Variants in VIPR1 observed in about 807,000 individuals in gnomAD.
VIPR1 encodes the protein vasoactive intestinal peptide receptor 1.
A neutral mutation model predicts 58.8 loss-of-function variants in VIPR1; 59 were observed. The ratio of observed to expected loss-of-function variants is 1.00; its 90% CI spans 0.81 to 1.25. The LOEUF (loss-of-function observed/expected upper bound fraction) is 1.25, where lower values mean the gene tolerates loss of function less well. Ranked by LOEUF, VIPR1 falls within the 50% of genes most tolerant of loss-of-function variation. The probability of loss-of-function intolerance (pLI) is 0.00; values close to 1 mark genes in which losing one functional copy is unlikely to be tolerated. For missense variants in VIPR1, 626 were observed against 602.7 expected (o/e 1.04, Z -0.40); for synonymous variants, 251 against 242.1 (o/e 1.04, Z -0.34).
chr3:42,532,015 T>C, intron 9 of VIPR1, 146 bp downstream of exon 9: 1 of 983,750 alleles, frequency 1.0e-6, no homozygotes, highest in Non-Finnish European at 1.6e-6. Context: ...CCCACCCCTG[T>C]CCTACCAGTT....
intron 1 of VIPR1, among the ~76,000 whole-genome samples, chr3:42,495,521 T>G (rs1037887229): frequency 6.6e-6 from 1 of 152,128 alleles, no homozygotes; most frequent in African/African-American, 2.4e-5. Flanking sequence ...GCACCCAAGA[T>G]TCCTGCCTCC....
Position 42,525,944 on chromosome 3 carries a change from C to T in VIPR1, c.350C>T (p.Pro117Leu), listed in dbSNP as rs753944636. ...GGCTGGACGCACCTGGAGCCTGGCC[C>T]GTACCCCATTGCCTGTGGTTTGGAT... ...DEGWTHLEPG[P>L]YPIACGLDDK... Residue 117 changes from proline (P) to leucine (L), a missense_variant, in exon 4 of 13, where the codon CCG (proline) becomes CTG (leucine). Pro to Leu is a moderately conservative substitution (Grantham distance 98). Transcript: ENST00000325123. 1.9e-5 allele frequency: 30 copies of T among 1,613,548 alleles called. No individual in the cohort carries two copies. Among genetic ancestry groups the T allele is most frequent in the African/African-American group, 5.3e-5 (4 of 74,922 alleles).
chr3:42,523,617 A>ACT (rs1251758091), intron 3 of VIPR1, among the ~76,000 whole-genome samples: 1 of 145,930 alleles, frequency 6.9e-6, no homozygotes, highest in African/African-American at 2.6e-5. Context: ...ACACACACAC[A>ACT]CACACACACA....
Position 42,536,372 on chromosome 3 carries a change from G to A in VIPR1, c.*91G>A, listed in dbSNP as rs1701850185. 3.7e-6 allele frequency: 5 copies of A among 1,361,918 alleles called. No individual in the cohort carries two copies. The highest frequency in any genetic ancestry group is 5.3e-5 in the East Asian group (2 of 37,630). 84.4% of individuals were successfully genotyped at this position (1,361,918 alleles called of 1,614,324 possible). On this transcript the variant is annotated 3_prime_UTR_variant, in exon 13 of 13. Coordinates refer to ENST00000325123, the MANE Select transcript of VIPR1 (RefSeq NM_004624.4). Reference sequence around the variant, plus strand: ...GGGGACAGAGGCCTGCCCGGGCGCGGCCAGCCCCGGCCCTGGGCTCGGAGG... The same window carrying A: ...GGGGACAGAGGCCTGCCCGGGCGCGACCAGCCCCGGCCCTGGGCTCGGAGG...
At chr3:42,516,808 C>G (rs1700652115) in intron 2 of VIPR1, 1 of 152,250 alleles carries the variant, frequency 6.6e-6, no homozygotes, top group Non-Finnish European at 1.5e-5. Flanking sequence ...AGCTGGTTTT[C>G]TAATCAGTCT....
intron 1 of VIPR1, among the ~76,000 whole-genome samples, chr3:42,506,300 G>T (rs866039501): frequency 3.9e-5 from 6 of 152,156 alleles, no homozygotes; most frequent in Non-Finnish European, 8.8e-5. Flanking sequence ...AACCTGCCAC[G>T]TGCCACAACT....
intron 3 of VIPR1, among the ~76,000 whole-genome samples, chr3:42,522,386 C>T (rs1700994193): frequency 6.6e-6 from 1 of 152,012 alleles, no homozygotes; most frequent in Non-Finnish European, 1.5e-5. Context: ...GGATTATAGG[C>T]ATGAACCACC....
chr3:42,492,937 G>A (rs999536203), intron 1 of VIPR1, among the ~76,000 whole-genome samples: 1 of 152,234 alleles, frequency 6.6e-6, no homozygotes, highest in Non-Finnish European at 1.5e-5. Context: ...GCTACTGTGG[G>A]TCTTGGCAGA....
chr3:42,526,081 C>A, intron 4 of VIPR1, 88 bp downstream of exon 4: 4 of 1,299,844 alleles, frequency 3.1e-6, no homozygotes, highest in Non-Finnish European at 3.2e-6. Flanking sequence ...GGTGTGGTTG[C>A]TGTCTGTGTG....
At chr3:42,520,533 G>A (rs1700864044) in intron 3 of VIPR1, among the ~76,000 whole-genome samples, 1 of 152,056 alleles carries the variant, frequency 6.6e-6, no homozygotes, top group Middle Eastern at 3.2e-3. Flanking sequence ...GAGGGAATGG[G>A]AGTGAGTGAG....
chr3:42,498,849 T>C (rs962807059), upstream of VIPR1, among the ~76,000 whole-genome samples: 1 of 152,166 alleles, frequency 6.6e-6, no homozygotes, highest in African/African-American at 2.4e-5. Flanking sequence ...TGATATTCAC[T>C]GCATGCTGTT....
chr3:42,513,905 A>T, intron 2 of VIPR1, 51 bp downstream of exon 2: 2 of 1,524,536 alleles, frequency 1.3e-6, no homozygotes, highest in South Asian at 2.4e-5. Flanking sequence ...GGAGCCCAAG[A>T]TTCCTCATGT....
chr3:42,525,738 C>G (rs909868337), intron 3 of VIPR1, 149 bp from the exon 4 acceptor site: 1 of 759,936 alleles, frequency 1.3e-6, no homozygotes, highest in African/African-American at 1.8e-5. Flanking sequence ...CCCACGGTGC[C>G]CTGGGTAACT....
rs756286924 is a variant in VIPR1 at position 42,536,052 on chromosome 3, T to A, written c.1183-38T>A. ...CAGCCCAATCAGCAGTGGAAGAGGC[T>A]CCACAGCAGTGGGCCTGACCACCTT... On this transcript the variant is annotated intron_variant, in intron 12 of 12. Coordinates refer to ENST00000325123, the MANE Select transcript of VIPR1 (RefSeq NM_004624.4). The A allele has an allele frequency of 2.6e-6, 4 of 1,548,472 alleles. No individual in the cohort carries two copies. In the South Asian group the frequency reaches 4.9e-5, roughly 19 times the overall value.
chr3:42,533,430 C>CGGGG (rs200121593), intron 10 of VIPR1: 2 of 65,694 alleles, frequency 3.0e-5, no homozygotes, highest in Non-Finnish European at 5.2e-5. Flanking sequence ...CTGGGGGGGA[C>CGGGG]GGGGGGGGCA....
chr3:42,498,344 T>A (rs1201576725), upstream of VIPR1, among the ~76,000 whole-genome samples: 1 of 152,238 alleles, frequency 6.6e-6, no homozygotes, highest in Non-Finnish European at 1.5e-5. Context: ...GCCTTTGCCC[T>A]GGAACTCGTT....
At chr3:42,535,882 T>C (rs1406827509) in intron 12 of VIPR1, among the ~76,000 whole-genome samples, 1 of 152,144 alleles carries the variant, frequency 6.6e-6, no homozygotes. Flanking sequence ...TCTCTGCCTC[T>C]TACCTCCTGC....
intron 1 of VIPR1, among the ~76,000 whole-genome samples, chr3:42,492,170 G>A (rs1346296662): frequency 6.7e-6 from 1 of 149,122 alleles, no homozygotes; most frequent in Non-Finnish European, 1.5e-5. Context: ...TCCATCCTCT[G>A]CCCACCCTCC....
chr3:42,501,940 G>C (rs1390658209), upstream of VIPR1: 1 of 152,180 alleles, frequency 6.6e-6, no homozygotes, highest in Non-Finnish European at 1.5e-5. The surrounding 1 kb of genome is among the most constrained non-coding windows in gnomAD (Gnocchi z 4.8). Flanking sequence ...CAGGTCTCCC[G>C]AGGCTTGAAG....
Sources: allele counts gnomAD v4.1 joint callset (sites outside exome capture counted in the v4.1 genomes callset), GRCh38; gene constraint gnomAD v4.1.1; non-coding constraint Gnocchi (gnomAD v3.1); transcripts MANE v1.5; gene names NCBI Gene and HGNC (gene_info 2026-07-23, HGNC 2026-07-21).